SPG7: variants seen among roughly 807,000 people sequenced by gnomAD.
SPG7 encodes the protein SPG7 matrix AAA peptidase subunit, paraplegin.
A neutral mutation model predicts 81.9 loss-of-function variants in SPG7; 103 were observed. The ratio of observed to expected loss-of-function variants is 1.26; its 90% confidence interval spans 1.07 to 1.48. The LOEUF is 1.48. Ranked by LOEUF, SPG7 falls within the 40% of genes most tolerant of loss-of-function variation. SPG7 has a pLI of 0.00. For synonymous variants in SPG7, 534 were observed against 444.2 expected (o/e 1.20, Z -2.54); for missense variants, 1,241 against 1,087.3 (o/e 1.14, Z -1.99).
At chr16:89,511,892 GTGTTGT>G (rs201292211) in intron 2 of SPG7, among the ~76,000 whole-genome samples, 49 of 145,382 alleles carry the variant, frequency 3.4e-4, no homozygotes, top group African/African-American at 1.0e-3. Context: ...CTACATTTTT[GTGTTGT>G]TGTTGTTGTT....
chr16:89,510,731 C>T, intron 2 of SPG7, 139 bp downstream of exon 2: 2 of 692,604 alleles, frequency 2.9e-6, no homozygotes, highest in Non-Finnish European at 5.3e-6. Context: ...ATGGTGTGAT[C>T]AGAGCTCACT....
chr16:89,551,881 A>T (rs2058637362), intron 13 of SPG7: 1 of 152,082 alleles, frequency 6.6e-6, no homozygotes, highest in Admixed American at 6.5e-5. Flanking sequence ...ACAGAGCAAG[A>T]CTGTCTCTCA....
chr16:89,512,877 C>T, intron 2 of SPG7, 71 bp from the exon 3 acceptor site: 1 of 1,560,650 alleles, frequency 6.4e-7, no homozygotes, highest in Non-Finnish European at 8.8e-7. Flanking sequence ...TTTAGGAGTA[C>T]ACTGTTGTCC....
In SPG7 at chr16:89,526,348, G is replaced by A. The variant is rs147673636; in HGVS notation, c.638G>A (p.Arg213Gln). 4.8e-5 allele frequency: 78 copies of A among 1,614,014 alleles called. No homozygotes were observed. In the African/African-American group the frequency reaches 8.3e-4, roughly 17 times the overall value. ...FGRPRLALMYRMQVANIDKFE... is the reference protein window; with the variant it reads ...FGRPRLALMYQMQVANIDKFE... ...CCCCAGCGGCTAGCCTTGATGTACC[G>A]AATGCAGGTTGCAAATATTGACAAG... is the stretch of plus-strand genomic sequence containing the variant. The change falls in exon 5 of 17, where the codon CGA (arginine) becomes CAA (glutamine). Residue 213 changes from arginine (R) to glutamine (Q), a missense_variant. By Grantham distance (43) the Arg-to-Gln change is conservative. Transcript: ENST00000645818.
At chr16:89,526,803 C>T (rs2058268173) in intron 5 of SPG7, 1 of 358,824 alleles carries the variant, frequency 2.8e-6, no homozygotes. Flanking sequence ...AGTCTCAGCC[C>T]CCGACGTAGG....
intron 13 of SPG7, 177 bp from the exon 14 acceptor site, chr16:89,552,802 G>C: frequency 3.0e-6 from 2 of 657,930 alleles, no homozygotes; most frequent in South Asian, 3.3e-5. Context: ...TGGGAACGCT[G>C]CTGTCTCTGG....
chr16:89,541,985 A>C (rs1216855918), intron 9 of SPG7: 8 of 149,018 alleles, frequency 5.4e-5, no homozygotes, highest in African/African-American at 2.0e-4. Flanking sequence ...CCATCCTAAC[A>C]CATAGCGGCC....
intron 5 of SPG7, among the ~76,000 whole-genome samples, chr16:89,527,686 C>T (rs1372990514): frequency 6.6e-6 from 1 of 152,182 alleles, no homozygotes; most frequent in Non-Finnish European, 1.5e-5. Context: ...TGGACCCTGA[C>T]AGGTTCCTTA....
At chr16:89,534,854 C>A (rs530476831) in intron 9 of SPG7, among the ~76,000 whole-genome samples, 1 of 152,220 alleles carries the variant, frequency 6.6e-6, no homozygotes, top group Non-Finnish European at 1.5e-5. Flanking sequence ...CTTCCGCCCC[C>A]CCGATGTGGA....
At chr16:89,555,520 C>T (rs541467381) in intron 16 of SPG7, 131 of 191,816 alleles carry the variant, frequency 6.8e-4, no homozygotes, top group African/African-American at 2.9e-3. Flanking sequence ...TGGGTCCACA[C>T]GTGATTCAGA....
At chr16:89,548,844 G>A (rs114705176) in intron 12 of SPG7, 157 of 433,336 alleles carry the variant, frequency 3.6e-4, no homozygotes, top group African/African-American at 3.0e-3. Flanking sequence ...GAGACAGGTT[G>A]AACGTTTGAA....
At chr16:89,540,785 C>A in intron 9 of SPG7, 3 of 569,054 alleles carry the variant, frequency 5.3e-6, no homozygotes, top group Non-Finnish European at 6.7e-6. Context: ...CATGACCCCG[C>A]ATCCACCCTC....
At chr16:89,521,627 C>T (rs1160720212) in intron 3 of SPG7, 1 of 152,214 alleles carries the variant, frequency 6.6e-6, no homozygotes, top group Non-Finnish European at 1.5e-5. Flanking sequence ...CCTGTACTCC[C>T]AGCTACTCAG....
intron 12 of SPG7, chr16:89,549,062 C>T (rs887115949): frequency 4.6e-5 from 21 of 456,198 alleles, no homozygotes; most frequent in Admixed American, 1.2e-4. Flanking sequence ...GCAAAACACA[C>T]CTGGCTTCTC....
chr16:89,554,359 G>A (rs1432152317), intron 15 of SPG7, 127 bp from the exon 16 acceptor site: 8 of 732,428 alleles, frequency 1.1e-5, no homozygotes, highest in South Asian at 4.5e-5. Flanking sequence ...ACCACCTGTC[G>A]GCTGAGGAGT....
chr16:89,546,866 T>A (rs1440691698), intron 11 of SPG7, 106 bp downstream of exon 11: 9 of 778,472 alleles, frequency 1.2e-5, no homozygotes, highest in African/African-American at 5.1e-5. Flanking sequence ...CGCTGCTCCT[T>A]CTCTGGGGGC....
At chr16:89,529,364 AGGGATTCCT>A in intron 5 of SPG7, 104 bp from the exon 6 acceptor site, 3 of 738,376 alleles carry the variant, frequency 4.1e-6, no homozygotes, top group Non-Finnish European at 7.3e-6. Context: ...TCCCAGACGT[AGGGATTCCT>A]CGTCTCATCT....
rs771782004 is a variant in SPG7 at position 89,532,505 on chromosome 16, G to A, written c.1193G>A (p.Arg398Gln). 79 of 1,613,608 alleles carry A rather than the reference G, an allele frequency of 4.9e-5. No individual in the cohort carries two copies. The highest frequency in any genetic ancestry group is 6.3e-5 in the Non-Finnish European group (74 of 1,180,034). Residue 398 changes from arginine to glutamine, a missense_variant, in exon 9 of 17, where the codon CGA becomes CAA. Transcript: ENST00000645818. The part of the protein sequence containing the change: ...ARVRSLFKEA[R>Q]ARAPCIVYID... ...GTGCGGAGCCTCTTTAAGGAAGCCCGAGCCCGGGCCCCCTGCATCGTCTAC... is the reference window on the plus strand; with the variant it reads ...GTGCGGAGCCTCTTTAAGGAAGCCCAAGCCCGGGCCCCCTGCATCGTCTAC...
At chr16:89,538,693 C>T (rs1170493678) in intron 9 of SPG7, 1 of 152,416 alleles carries the variant, frequency 6.6e-6, no homozygotes, top group East Asian at 1.9e-4. Context: ...TAGCTTCTGT[C>T]CGTGGCTTGC....
Sources: gnomAD v4.1 joint callset for allele counts (sites outside exome capture counted in the v4.1 genomes callset) on GRCh38, gnomAD v4.1.1 for gene constraint, MANE v1.5 for transcripts, NCBI Gene and HGNC (gene_info 2026-07-23, HGNC 2026-07-21) for gene names.